RABGAP1L: variants seen among roughly 807,000 people sequenced by gnomAD.
RABGAP1L encodes rab GTPase-activating protein 1-like.
In RABGAP1L, 63 loss-of-function variants were observed where a neutral mutation model predicts 137.7. That is an observed-to-expected ratio of 0.46 (90% CI 0.37 to 0.56). The LOEUF is 0.56. RABGAP1L is among the 20% of genes least tolerant of loss of function. RABGAP1L has a pLI of 0.00. For synonymous variants in RABGAP1L, 431 were observed against 433.7 expected, an observed-to-expected ratio of 0.99 and a Z score of 0.08; for missense variants, 1,095 against 1,244.0, an observed-to-expected ratio of 0.88 and a Z score of 1.80.
chr1:174,235,437 G>A (rs200182630), intron 4 of RABGAP1L, among the ~76,000 whole-genome samples: 257 of 24,230 alleles, frequency 0.011, 2 homozygotes, highest in East Asian at 0.032. Context: ...TTTGAAATAC[G>A]TCCCATCAAT....
chr1:174,432,285 T>C (rs1196916916), intron 13 of RABGAP1L, among the ~76,000 whole-genome samples: 2 of 152,174 alleles, frequency 1.3e-5, no homozygotes, highest in African/African-American at 4.8e-5. Context: ...GCAAAAGATA[T>C]GATTTAATTT....
At chr1:174,617,786 G>A (rs2148250568) in intron 13 of RABGAP1L, among the ~76,000 whole-genome samples, 1 of 152,310 alleles carries the variant, frequency 6.6e-6, no homozygotes, top group African/African-American at 2.4e-5. Context: ...ACATCTCCCA[G>A]CGTGAGCGAC....
chr1:174,234,224 C>T (rs1377149585), intron 4 of RABGAP1L, among the ~76,000 whole-genome samples: 4 of 100,016 alleles, frequency 4.0e-5, no homozygotes, highest in African/African-American at 6.2e-5. Flanking sequence ...GTTGCCTGTT[C>T]ACTCTGATGG....
chr1:174,759,712 G>A (rs531878428), intron 18 of RABGAP1L, among the ~76,000 whole-genome samples: 1 of 152,302 alleles, frequency 6.6e-6, no homozygotes, highest in East Asian at 1.9e-4. Flanking sequence ...TACAATCATG[G>A]CAGAAAGCAA....
intron 7 of RABGAP1L, among the ~76,000 whole-genome samples, chr1:174,253,010 CTA>C (rs777438917): frequency 1.2e-4 from 19 of 152,032 alleles, no homozygotes; most frequent in Non-Finnish European, 2.1e-4. Context: ...CACAGGAAAA[CTA>C]TTCAGAAAAC....
intron 13 of RABGAP1L, among the ~76,000 whole-genome samples, chr1:174,567,831 A>G (rs1001458474): frequency 7.9e-5 from 12 of 152,168 alleles, no homozygotes; most frequent in African/African-American, 2.9e-4. Flanking sequence ...AATAAGAAAG[A>G]TGTCACACTG....
chr1:174,787,414 A>AC (rs1687532197), intron 18 of RABGAP1L, among the ~76,000 whole-genome samples: 1 of 152,018 alleles, frequency 6.6e-6, no homozygotes, highest in African/African-American at 2.4e-5. Flanking sequence ...AAAAAAAAAA[A>AC]AAAAAAATAA....
chr1:174,597,301 C>T (rs1381016751), intron 13 of RABGAP1L, among the ~76,000 whole-genome samples: 2 of 152,102 alleles, frequency 1.3e-5, no homozygotes, highest in Non-Finnish European at 2.9e-5. Flanking sequence ...GATATTAGTT[C>T]TTCAAATGTT....
intron 19 of RABGAP1L, among the ~76,000 whole-genome samples, chr1:174,956,637 T>TTTCTC (rs1272148582): frequency 6.6e-6 from 1 of 151,714 alleles, no homozygotes; most frequent in Non-Finnish European, 1.5e-5. Flanking sequence ...TTAGAATATT[T>TTTCTC]TTCTCTTCTC....
chr1:174,867,826 G>A (rs570359422), intron 19 of RABGAP1L, among the ~76,000 whole-genome samples: 162 of 152,204 alleles, frequency 1.1e-3, no homozygotes, highest in Non-Finnish European at 1.9e-3. Flanking sequence ...TGTATTTTTA[G>A]TAGAGATGGG....
intron 13 of RABGAP1L, among the ~76,000 whole-genome samples, chr1:174,635,255 G>A (rs1024959158): frequency 4.6e-5 from 7 of 152,054 alleles, no homozygotes; most frequent in Non-Finnish European, 8.8e-5. Context: ...GTCCTGAAAA[G>A]TACAAAAAGA....
At chr1:174,571,488 G>A (rs1667974736) in intron 13 of RABGAP1L, among the ~76,000 whole-genome samples, 1 of 152,006 alleles carries the variant, frequency 6.6e-6, no homozygotes, top group African/African-American at 2.4e-5. Flanking sequence ...TTTCCATGAT[G>A]TAATTATTAC....
At chr1:174,871,851 A>C (rs1245650938) in intron 19 of RABGAP1L, among the ~76,000 whole-genome samples, 2 of 152,246 alleles carry the variant, frequency 1.3e-5, no homozygotes, top group Admixed American at 6.5e-5. Flanking sequence ...TTTTCAGGTA[A>C]GTATGAAACT....
At chr1:174,678,027 A>T (rs1385747322) in intron 14 of RABGAP1L, among the ~76,000 whole-genome samples, 1 of 152,174 alleles carries the variant, frequency 6.6e-6, no homozygotes, top group Non-Finnish European at 1.5e-5. Context: ...ATCAAGGAAA[A>T]GAGAAAATAT....
At chr1:174,193,504 C>T (rs1340940281) in intron 1 of RABGAP1L, among the ~76,000 whole-genome samples, 1 of 152,140 alleles carries the variant, frequency 6.6e-6, no homozygotes, top group East Asian at 1.9e-4. Flanking sequence ...TGCACTCCAG[C>T]CTGGGTGACA....
At chr1:174,493,750 G>A (rs1444063739) in intron 13 of RABGAP1L, among the ~76,000 whole-genome samples, 2 of 150,972 alleles carry the variant, frequency 1.3e-5, no homozygotes, top group Non-Finnish European at 2.9e-5. Context: ...GACTCCGTGA[G>A]GTTGAGGCTG....
chr1:174,959,571 A>C (rs1438670876), intron 20 of RABGAP1L, among the ~76,000 whole-genome samples: 1 of 152,210 alleles, frequency 6.6e-6, no homozygotes, highest in African/African-American at 2.4e-5. Flanking sequence ...TCAAAGTAGG[A>C]TTAAACTTCT....
intron 13 of RABGAP1L, among the ~76,000 whole-genome samples, chr1:174,401,308 T>C (rs79085478): frequency 0.02 from 3,069 of 152,274 alleles, 110 homozygotes; most frequent in African/African-American, 0.071. Flanking sequence ...ACTTCCTTTT[T>C]TGGTAAAATA....
chr1:174,930,271 T>C (rs1240610184), intron 19 of RABGAP1L, among the ~76,000 whole-genome samples: 1 of 152,014 alleles, frequency 6.6e-6, no homozygotes, highest in Admixed American at 6.6e-5. Context: ...TCCTCCTGCC[T>C]CAGCCTCTCA....
Sources: gnomAD v4.1 joint callset for allele counts (sites outside exome capture counted in the v4.1 genomes callset) on GRCh38, gnomAD v4.1.1 for gene constraint, MANE v1.5 for transcripts, NCBI Gene and HGNC (gene_info 2026-07-23, HGNC 2026-07-21) for gene names.